The following ROCK1 variants were observed in gnomAD, a reference collection of about 807,000 sequenced individuals.
ROCK1 encodes rho-associated protein kinase 1.
Under a neutral mutation model 196.8 loss-of-function variants are expected in ROCK1, and 36 were observed. That is an observed-to-expected ratio of 0.18 (90% CI 0.14 to 0.24). The LOEUF (loss-of-function observed/expected upper bound fraction) is 0.24. ROCK1 is among the 10% of genes least tolerant of loss of function. The pLI is 1.00. For synonymous variants in ROCK1, 443 were observed against 515.9 expected (o/e 0.86, Z 1.91); for missense variants, 920 against 1,562.0 (o/e 0.59, Z 6.93).
chr18:21,065,709 T>C (rs2036328786), intron 2 of ROCK1, among the ~76,000 whole-genome samples: 1 of 152,154 alleles, frequency 6.6e-6, no homozygotes, highest in Non-Finnish European at 1.5e-5. Flanking sequence ...CCTATGAAAA[T>C]GTCACCTGAA....
chr18:20,965,570 G>T (rs2035366918), intron 27 of ROCK1, among the ~76,000 whole-genome samples: 1 of 152,078 alleles, frequency 6.6e-6, no homozygotes, highest in South Asian at 2.1e-4. Flanking sequence ...TTCAACAATT[G>T]AAAGAATGTA....
intron 22 of ROCK1, among the ~76,000 whole-genome samples, chr18:20,975,616 A>G (rs1416511586): frequency 6.6e-6 from 1 of 151,514 alleles, no homozygotes; most frequent in Non-Finnish European, 1.5e-5. Flanking sequence ...ATTTTTATTT[A>G]TTTATTCTTT....
chr18:20,959,643 A>G (rs2035307525), intron 29 of ROCK1, among the ~76,000 whole-genome samples, 197 bp downstream of exon 29: 2 of 151,580 alleles, frequency 1.3e-5, no homozygotes, highest in Non-Finnish European at 2.9e-5. Flanking sequence ...TTCCAAATAC[A>G]TGAAATAAGT....
chr18:20,995,242 C>T (rs961139010), intron 16 of ROCK1, among the ~76,000 whole-genome samples: 3 of 152,130 alleles, frequency 2.0e-5, no homozygotes, highest in Non-Finnish European at 4.4e-5. Flanking sequence ...CTAATTTGAT[C>T]ATTACACATT....
At chr18:20,963,816 G>A (rs1169990579) in intron 27 of ROCK1, among the ~76,000 whole-genome samples, 2 of 152,120 alleles carry the variant, frequency 1.3e-5, no homozygotes, top group Non-Finnish European at 2.9e-5. Context: ...TGTATTGTGT[G>A]CTAGGTCACA....
At chr18:21,094,439 T>C (rs2036595619) in intron 1 of ROCK1, among the ~76,000 whole-genome samples, 1 of 152,114 alleles carries the variant, frequency 6.6e-6, no homozygotes. Flanking sequence ...AATTTTTAAA[T>C]GGGCAAAGGA....
chr18:20,975,971 T>C (rs890096280), intron 22 of ROCK1, among the ~76,000 whole-genome samples: 1 of 152,228 alleles, frequency 6.6e-6, no homozygotes, highest in South Asian at 2.1e-4. Flanking sequence ...CCAGCTTTTG[T>C]GATATCCTGC....
At chr18:21,078,202 G>A (rs546246387) in intron 1 of ROCK1, among the ~76,000 whole-genome samples, 50 of 152,136 alleles carry the variant, frequency 3.3e-4, no homozygotes, top group African/African-American at 9.4e-4. Context: ...GGTGGCGTGC[G>A]CCTGTGGTCC....
At chr18:21,063,693 T>C (rs773799442) in intron 2 of ROCK1, among the ~76,000 whole-genome samples, 1 of 152,192 alleles carries the variant, frequency 6.6e-6, no homozygotes, top group African/African-American at 2.4e-5. Flanking sequence ...CGTAGGTAAC[T>C]GTACATAGGC....
intron 11 of ROCK1, among the ~76,000 whole-genome samples, 165 bp from the exon 12 acceptor site, chr18:21,020,404 T>G (rs1194971590): frequency 6.6e-6 from 1 of 152,212 alleles, no homozygotes; most frequent in Non-Finnish European, 1.5e-5. Context: ...AGCACTTTCT[T>G]AACATTTACT....
intron 1 of ROCK1, among the ~76,000 whole-genome samples, chr18:21,078,928 A>T (rs924574391): frequency 3.3e-5 from 5 of 152,008 alleles, no homozygotes; most frequent in Non-Finnish European, 7.4e-5. Context: ...GCTTTCTTCT[A>T]ATATTGGGAG....
intron 21 of ROCK1, among the ~76,000 whole-genome samples, chr18:20,980,695 T>A (rs1490072229): frequency 6.6e-6 from 1 of 151,924 alleles, no homozygotes; most frequent in Non-Finnish European, 1.5e-5. Flanking sequence ...GGCGGGCAGA[T>A]CACAAGGTCA....
At chr18:21,105,612 G>A (rs1014620357) in intron 1 of ROCK1, among the ~76,000 whole-genome samples, 5 of 152,142 alleles carry the variant, frequency 3.3e-5, no homozygotes, top group Admixed American at 6.5e-5. Flanking sequence ...GACTAACACT[G>A]TCAAAAAAGT....
In ROCK1 at chr18:20,949,434, G is replaced by A. The variant is rs1454423250; in HGVS notation, c.*1950C>T. 3 of 152,628 alleles carry A rather than the reference G, an allele frequency of 2.0e-5. No homozygotes were observed. The highest frequency in any genetic ancestry group is 2.9e-5 in the Non-Finnish European group (2 of 68,340). 9.5% of individuals were successfully genotyped at this position (152,628 alleles called of 1,614,324 possible). ...CCCTTTGCCCTCCAAGCCCCATGTG[G>A]GCAATGCAGAGTGGCCCAGGTGGGT... On this transcript the variant is annotated 3_prime_UTR_variant, in exon 33 of 33. Coordinates refer to ENST00000399799, the MANE Select transcript of ROCK1 (RefSeq NM_005406.3).
At chr18:21,106,333 C>T (rs2036702960) in intron 1 of ROCK1, among the ~76,000 whole-genome samples, 1 of 152,144 alleles carries the variant, frequency 6.6e-6, no homozygotes, top group African/African-American at 2.4e-5. Flanking sequence ...GACAAGTTCT[C>T]ACTGTGTCGT....
chr18:21,001,457 G>A (rs972992822), intron 16 of ROCK1, among the ~76,000 whole-genome samples: 1 of 152,194 alleles, frequency 6.6e-6, no homozygotes, highest in African/African-American at 2.4e-5. Context: ...AATATAGACA[G>A]CAAAAGCTGT....
chr18:21,056,421 A>C (rs1371921429), intron 2 of ROCK1, among the ~76,000 whole-genome samples: 1 of 151,872 alleles, frequency 6.6e-6, no homozygotes, highest in Non-Finnish European at 1.5e-5. Flanking sequence ...GGCATTCTTG[A>C]CTCCTTTTTT....
intron 27 of ROCK1, among the ~76,000 whole-genome samples, chr18:20,961,641 CT>C (rs1568368270): frequency 6.6e-6 from 1 of 152,092 alleles, no homozygotes. Flanking sequence ...CGCAAACAAG[CT>C]CTGCAGTTGA....
intron 16 of ROCK1, among the ~76,000 whole-genome samples, chr18:20,997,728 T>C (rs1196625262): frequency 1.3e-5 from 2 of 152,186 alleles, no homozygotes; most frequent in African/African-American, 4.8e-5. Context: ...ACAGACCATA[T>C]GTTACTCCAC....
Sources: allele counts gnomAD v4.1 joint callset (sites outside exome capture counted in the v4.1 genomes callset), GRCh38; gene constraint gnomAD v4.1.1; transcripts MANE v1.5; gene names NCBI Gene and HGNC (gene_info 2026-07-23, HGNC 2026-07-21).